The following USP53 variants were observed in gnomAD, a reference collection of about 807,000 sequenced individuals.
USP53 encodes the protein ubiquitin specific peptidase 53, also known as ubiquitin carboxyl-terminal hydrolase 53.
A neutral mutation model predicts 94.9 loss-of-function variants in USP53; 71 were observed. That is an observed-to-expected ratio of 0.75 (90% CI 0.62 to 0.91). The LOEUF (loss-of-function observed/expected upper bound fraction) is 0.91. Among genes scored for constraint, USP53 ranks in the 40% least tolerant of loss-of-function variants. The pLI, the probability that USP53 is intolerant of heterozygous loss-of-function variation, is 0.00. For missense variants in USP53, 1,173 were observed against 1,281.0 expected (o/e 0.92, Z 1.29); for synonymous variants, 375 against 422.7 (o/e 0.89, Z 1.39).
intron 17 of USP53, among the ~76,000 whole-genome samples, chr4:119,288,224 T>C (rs1320300609): frequency 6.6e-6 from 1 of 152,214 alleles, no homozygotes; most frequent in Non-Finnish European, 1.5e-5. Context: ...ACCCAGTACA[T>C]GCTAACACAA....
chr4:119,228,199 C>T (rs966941755), intron 3 of USP53, among the ~76,000 whole-genome samples: 1 of 152,148 alleles, frequency 6.6e-6, no homozygotes, highest in African/African-American at 2.4e-5. Flanking sequence ...TCTGGAGGCC[C>T]TAAGGAAGAA....
intron 6 of USP53, among the ~76,000 whole-genome samples, chr4:119,248,379 A>G (rs1226164919): frequency 7.9e-6 from 1 of 126,394 alleles, no homozygotes; most frequent in South Asian, 2.8e-4. Flanking sequence ...AAACATTTCT[A>G]CACTTGATGA....
intron 12 of USP53, among the ~76,000 whole-genome samples, chr4:119,265,815 A>C (rs1282320590): frequency 6.6e-6 from 1 of 152,206 alleles, no homozygotes; most frequent in African/African-American, 2.4e-5. Context: ...TGCCTGCAAA[A>C]ATATTCTAGA....
chr4:119,284,095 A>C (rs1422373806), intron 17 of USP53, among the ~76,000 whole-genome samples: 1 of 151,792 alleles, frequency 6.6e-6, no homozygotes, highest in Non-Finnish European at 1.5e-5. Context: ...AAAACAGAGA[A>C]GTGTAGATCT....
At chr4:119,260,076 C>G (rs1027183954) in intron 10 of USP53, 151 bp downstream of exon 10, 33 of 511,478 alleles carry the variant, frequency 6.5e-5, no homozygotes, top group Non-Finnish European at 1.0e-4. Context: ...CCATGTGTAT[C>G]ATTTATCTTA....
chr4:119,261,555 A>G (rs1477285784), intron 11 of USP53, among the ~76,000 whole-genome samples, 160 bp from the exon 12 acceptor site: 14 of 152,202 alleles, frequency 9.2e-5, no homozygotes, highest in Admixed American at 4.6e-4. Context: ...TCTGTTAACA[A>G]TGTGATGTCA....
intron 18 of USP53, among the ~76,000 whole-genome samples, chr4:119,292,008 A>ATATATT (rs1754819446): frequency 6.6e-6 from 1 of 152,126 alleles, no homozygotes. Context: ...ACTTTCCTCA[A>ATATATT]GTTCTATATA....
At chr4:119,268,563 A>C (rs576862279) in intron 14 of USP53, 143 bp downstream of exon 14, 2 of 846,864 alleles carry the variant, frequency 2.4e-6, no homozygotes, top group East Asian at 5.7e-5. Flanking sequence ...TGATTTATGC[A>C]TTTCTCTGAG....
chr4:119,282,762 C>T (rs1167226601), intron 17 of USP53, among the ~76,000 whole-genome samples: 2 of 151,824 alleles, frequency 1.3e-5, no homozygotes, highest in Admixed American at 1.3e-4. Flanking sequence ...GTTTTTTCCC[C>T]CAATAAGGGA....
intron 6 of USP53, among the ~76,000 whole-genome samples, chr4:119,247,578 T>C (rs1456061961): frequency 6.6e-6 from 1 of 152,224 alleles, no homozygotes; most frequent in African/African-American, 2.4e-5. Flanking sequence ...TCTGATGTTA[T>C]ATAATTACTT....
At chr4:119,261,258 G>A (rs150471299) in intron 11 of USP53, among the ~76,000 whole-genome samples, 3 of 152,168 alleles carry the variant, frequency 2.0e-5, no homozygotes, top group Non-Finnish European at 4.4e-5. Context: ...ACCACACCCC[G>A]CCATGATCTC....
chr4:119,232,107 C>A (rs1578431473), intron 3 of USP53, among the ~76,000 whole-genome samples: 1 of 152,130 alleles, frequency 6.6e-6, no homozygotes, highest in Non-Finnish European at 1.5e-5. Context: ...TTCTTTTGCT[C>A]TTTTTAAAAA....
Position 119,246,042 on chromosome 4 carries a change from A to G in USP53, c.237+613A>G, listed in dbSNP as rs1211117701. On this transcript the variant is annotated intron_variant, in intron 6 of 18. Transcript: ENST00000692078. ...TGAGTATACCTGATATATTTAAGGA[A>G]CACCAAGGAAATATGGGTGGCGATG... Among the ~76,000 whole-genome samples, 4 of 152,326 alleles carry G rather than the reference A, an allele frequency of 2.6e-5. No homozygotes were observed. In the East Asian group the frequency reaches 7.7e-4, roughly 29 times the overall value.
At chr4:119,244,973 C>A (rs1188290509) in intron 5 of USP53, among the ~76,000 whole-genome samples, 1 of 152,114 alleles carries the variant, frequency 6.6e-6, no homozygotes, top group African/African-American at 2.4e-5. Flanking sequence ...CAGTTTGTTC[C>A]AAGTATTATA....
chr4:119,227,626 G>A (rs1458060671), intron 3 of USP53, among the ~76,000 whole-genome samples: 1 of 152,114 alleles, frequency 6.6e-6, no homozygotes, highest in Admixed American at 6.5e-5. Context: ...GCGAGACTCC[G>A]TCTCAAAAAA....
In USP53 at chr4:119,250,743, G is replaced by C. The variant is rs1026466868; in HGVS notation, c.372+1861G>C. Among the ~76,000 whole-genome samples the C allele has an allele frequency of 3.3e-5, 5 of 152,200 alleles. No individual in the cohort carries two copies. The East Asian group carries it at 9.6e-4, about 29-fold the overall frequency. ...TCCATTGGTTAAGCTTTGGTAAAAAGAATTATGTTAAAGAAATAAATGCCC... is the reference window on the plus strand; with the variant it reads ...TCCATTGGTTAAGCTTTGGTAAAAACAATTATGTTAAAGAAATAAATGCCC... On this transcript the variant is annotated intron_variant, in intron 7 of 18. Coordinates refer to ENST00000692078, the MANE Select transcript of USP53 (RefSeq NM_001371395.1).
intron 2 of USP53, 41 bp from the exon 3 acceptor site, chr4:119,217,509 T>C (rs1298272212): frequency 6.6e-6 from 1 of 152,176 alleles, no homozygotes; most frequent in Non-Finnish European, 1.5e-5. Context: ...CTTTAATAAA[T>C]ATTTGATGAA....
intron 3 of USP53, among the ~76,000 whole-genome samples, chr4:119,232,612 A>G (rs1173991831): frequency 6.6e-6 from 1 of 152,074 alleles, no homozygotes; most frequent in Non-Finnish European, 1.5e-5. Flanking sequence ...TATTTTCTTC[A>G]CAGCCTCCCA....
intron 7 of USP53, among the ~76,000 whole-genome samples, chr4:119,251,630 G>A (rs538381667): frequency 6.6e-6 from 1 of 151,902 alleles, no homozygotes; most frequent in African/African-American, 2.4e-5. Context: ...TGCAAACAGA[G>A]ACAATTTGAC....
Sources: gnomAD v4.1 joint callset for allele counts (sites outside exome capture counted in the v4.1 genomes callset) on GRCh38, gnomAD v4.1.1 for gene constraint, MANE v1.5 for transcripts, NCBI Gene and HGNC (gene_info 2026-07-23, HGNC 2026-07-21) for gene names.